Variants in ADAMTS2 observed in about 807,000 individuals in gnomAD.
ADAMTS2 encodes ADAM metallopeptidase with thrombospondin type 1 motif 2, also known as A disintegrin and metalloproteinase with thrombospondin motifs 2.
Under a neutral mutation model 123.0 loss-of-function variants are expected in ADAMTS2, and 50 were observed. The observed-to-expected ratio is 0.41, with a 90% CI of 0.32 to 0.51. The LOEUF is 0.51. Ranked by LOEUF, ADAMTS2 falls within the 20% of genes least tolerant of loss-of-function variation. The pLI, the probability that ADAMTS2 is intolerant of heterozygous loss-of-function variation, is 0.35. For missense variants in ADAMTS2, 1,494 were observed against 1,705.2 expected (o/e 0.88, Z 2.18); for synonymous variants, 678 against 695.4 (o/e 0.98, Z 0.39).
At chr5:179,275,977 AG>A (rs143464237) in intron 2 of ADAMTS2, among the ~76,000 whole-genome samples, 5,857 of 152,272 alleles carry the variant, frequency 0.038, 150 homozygotes, top group Non-Finnish European at 0.063. Flanking sequence ...GAGGCCTAGG[AG>A]GCAGTGGTAA....
intron 2 of ADAMTS2, among the ~76,000 whole-genome samples, chr5:179,299,047 G>C (rs987768885): frequency 2.6e-5 from 4 of 152,064 alleles, no homozygotes; most frequent in Middle Eastern, 3.4e-3. Context: ...TTATAGACCA[G>C]AGTGAAAATA....
rs181424997 is a variant in ADAMTS2, at chr5:179,302,962, G to A, written c.535-29898C>T. ...GAGGGACAGGAGGGCAGAGTGGTGG[G>A]CCTGGGTGGGGTACAGGAGGGCAGA... On this transcript the variant is annotated intron_variant, in intron 2 of 21. Transcript: ENST00000251582. Among the ~76,000 whole-genome samples the A allele has an allele frequency of 5.1e-3, 705 of 139,172 alleles. 7 individuals are homozygous for A. Among genetic ancestry groups the A allele is most frequent in the African/African-American group, 0.017 (670 of 39,212 alleles). The allele number at this position is 139,172 out of a possible 152,430, so 91.3% of individuals were successfully genotyped here.
At chr5:179,232,579 G>A (rs995764399) in intron 3 of ADAMTS2, among the ~76,000 whole-genome samples, 1 of 152,208 alleles carries the variant, frequency 6.6e-6, no homozygotes, top group African/African-American at 2.4e-5. Context: ...ACTCTGACAT[G>A]TCAAGCAAAT....
intron 3 of ADAMTS2, among the ~76,000 whole-genome samples, chr5:179,243,965 C>T (rs1765724131): frequency 6.6e-6 from 1 of 151,908 alleles, no homozygotes; most frequent in South Asian, 2.1e-4. Flanking sequence ...AGACATTATG[C>T]AATTTGAAGG....
At chr5:179,168,801 C>G (rs1763762010) in intron 5 of ADAMTS2, among the ~76,000 whole-genome samples, 1 of 152,198 alleles carries the variant, frequency 6.6e-6, no homozygotes, top group African/African-American at 2.4e-5. Context: ...AGTGGGCTCC[C>G]CCAAGGCTGG....
intron 10 of ADAMTS2, among the ~76,000 whole-genome samples, chr5:179,149,130 C>G (rs928749470): frequency 2.0e-5 from 3 of 152,146 alleles, no homozygotes; most frequent in African/African-American, 7.2e-5. Flanking sequence ...GGCCTGAGTG[C>G]GTGTGTCCCC....
intron 2 of ADAMTS2, among the ~76,000 whole-genome samples, chr5:179,313,771 C>T (rs551239542): frequency 3.5e-5 from 1 of 28,356 alleles, no homozygotes; most frequent in African/African-American, 8.1e-5. Context: ...GCAGAGGGGA[C>T]GCACAAGCAT....
At chr5:179,159,175 C>A (rs569657843) in intron 5 of ADAMTS2, among the ~76,000 whole-genome samples, 2 of 152,196 alleles carry the variant, frequency 1.3e-5, no homozygotes, top group Admixed American at 6.5e-5. Flanking sequence ...ATAGTCCCAC[C>A]GTCTACCCCA....
intron 1 of ADAMTS2, among the ~76,000 whole-genome samples, chr5:179,344,804 A>G (rs972989150): frequency 6.6e-6 from 1 of 151,858 alleles, no homozygotes; most frequent in Non-Finnish European, 1.5e-5. Context: ...CTTAGGGCCC[A>G]AGGCTACGCG....
intron 2 of ADAMTS2, among the ~76,000 whole-genome samples, chr5:179,287,347 G>T (rs751841427): frequency 6.6e-6 from 1 of 152,204 alleles, no homozygotes; most frequent in Non-Finnish European, 1.5e-5. Flanking sequence ...GAGTGCAGGC[G>T]CAGGGAGACA....
At chr5:179,293,210 C>T (rs1342062947) in intron 2 of ADAMTS2, among the ~76,000 whole-genome samples, 1 of 152,230 alleles carries the variant, frequency 6.6e-6, no homozygotes, top group Non-Finnish European at 1.5e-5. Flanking sequence ...GTTGCTTTGT[C>T]CTGACAGACT....
rs1342595390 is a variant in ADAMTS2 at position 179,181,604 on chromosome 5, C to T, written c.892-449G>A. Among the ~76,000 whole-genome samples, 3 of 152,106 alleles carry T rather than the reference C, an allele frequency of 2.0e-5. No homozygotes were observed. The highest frequency in any genetic ancestry group is 3.9e-4 in the East Asian group (2 of 5,168). Reference sequence around the variant, plus strand: ...GGGTGTGGGGATTACCTACCTGCATCGCTACTTGGAAATGGGGGCGGTTCT... The same window carrying T: ...GGGTGTGGGGATTACCTACCTGCATTGCTACTTGGAAATGGGGGCGGTTCT... On this transcript the variant is annotated intron_variant, in intron 4 of 21. Coordinates refer to ENST00000251582, the MANE Select transcript of ADAMTS2 (RefSeq NM_014244.5). This position sits in a 1 kb window ranked among gnomAD's most constrained non-coding sequence, Gnocchi z 4.1.
intron 13 of ADAMTS2, among the ~76,000 whole-genome samples, chr5:179,135,129 CTCCCAGCTCCCGG>C: frequency 7.3e-6 from 1 of 137,616 alleles, no homozygotes; most frequent in Non-Finnish European, 1.6e-5. Context: ...CCGGCTCCAG[CTCCCAGCTCCCGG>C]CTCCAGCCCC....
chr5:179,141,696 G>A (rs1300050722), intron 10 of ADAMTS2, among the ~76,000 whole-genome samples: 1 of 152,152 alleles, frequency 6.6e-6, no homozygotes, highest in East Asian at 1.9e-4. Context: ...AGACGGGGCT[G>A]CCTCTACTCC....
intron 2 of ADAMTS2, among the ~76,000 whole-genome samples, chr5:179,280,999 T>A (rs1238085587): frequency 8.5e-5 from 13 of 152,274 alleles, no homozygotes; most frequent in South Asian, 4.1e-4. Context: ...CTGGGATTAC[T>A]GGTACACACC....
chr5:179,278,409 G>A (rs1404562981), intron 2 of ADAMTS2, among the ~76,000 whole-genome samples: 1 of 151,988 alleles, frequency 6.6e-6, no homozygotes, highest in African/African-American at 2.4e-5. Context: ...TTTTTTCCGG[G>A]ACTTTGATTT....
At chr5:179,310,387 C>T (rs948479199) in intron 2 of ADAMTS2, among the ~76,000 whole-genome samples, 5 of 152,230 alleles carry the variant, frequency 3.3e-5, no homozygotes, top group African/African-American at 1.2e-4. Context: ...CATCTACAAG[C>T]CTTTCCGAAG....
Position 179,282,288 on chromosome 5 carries a change from G to C in ADAMTS2, c.535-9224C>G, listed in dbSNP as rs570005409. Among the ~76,000 whole-genome samples the C allele has an allele frequency of 2.6e-4, 40 of 152,202 alleles. 1 individual carries two copies. Among genetic ancestry groups the C allele is most frequent in the Admixed American group, 5.9e-4 (9 of 15,280 alleles). ...TTTTAGCTCTTACATGTAGATCTAT[G>C]ATCCATCCATTTACAGTTAATATTT... On this transcript the variant is annotated intron_variant, in intron 2 of 21. Coordinates refer to ENST00000251582, the MANE Select transcript of ADAMTS2 (RefSeq NM_014244.5).
chr5:179,160,429 C>T (rs974691267), intron 5 of ADAMTS2, among the ~76,000 whole-genome samples: 4 of 152,220 alleles, frequency 2.6e-5, no homozygotes, highest in Non-Finnish European at 4.4e-5. Context: ...CCAGCCTAGG[C>T]GACAGAGTGA....
Sources: allele counts gnomAD v4.1 joint callset (sites outside exome capture counted in the v4.1 genomes callset), GRCh38; gene constraint gnomAD v4.1.1; non-coding constraint Gnocchi (gnomAD v3.1); transcripts MANE v1.5; gene names NCBI Gene and HGNC (gene_info 2026-07-23, HGNC 2026-07-21).